The following CNTNAP1 variants were observed in gnomAD, a reference collection of about 807,000 sequenced individuals.
The protein encoded by CNTNAP1 is contactin-associated protein 1.
A neutral mutation model predicts 161.5 loss-of-function variants in CNTNAP1; 80 were observed. That is an observed-to-expected ratio of 0.50 (90% CI 0.41 to 0.60). The LOEUF is 0.60. CNTNAP1 is among the 20% of genes least tolerant of loss of function. The pLI, the probability that CNTNAP1 is intolerant of heterozygous loss-of-function variation, is 0.00. For missense variants in CNTNAP1, 1,464 were observed against 1,854.8 expected (o/e 0.79, Z 3.87); for synonymous variants, 695 against 733.1 (o/e 0.95, Z 0.84).
At chr17:42,683,143 G>T (rs868161450) in intron 1 of CNTNAP1, 14 of 597,528 alleles carry the variant, frequency 2.3e-5, no homozygotes, top group African/African-American at 1.7e-4. Context: ...TTGGGGTTGG[G>T]ATCCAAGCAG....
intron 1 of CNTNAP1, 95 bp from the exon 2 acceptor site, chr17:42,683,726 G>GC: frequency 8.2e-6 from 12 of 1,460,354 alleles, no homozygotes; most frequent in Non-Finnish European, 1.0e-5. Flanking sequence ...GGGGTTGGGG[G>GC]CACGGAAGGG....
rs779499837 is a variant in CNTNAP1, at chr17:42,683,931, C to T, written c.169+9C>T. The T allele has an allele frequency of 1.2e-6, 2 of 1,613,820 alleles. No homozygotes were observed. The highest frequency in any genetic ancestry group is 1.1e-5 in the South Asian group (1 of 91,060). Reference sequence around the variant, plus strand: ...ATTCGCCAGGCTGCACGGTGAGCTCCGCGGAACATCAGCTGCCAACTGGCA... The same window carrying T: ...ATTCGCCAGGCTGCACGGTGAGCTCTGCGGAACATCAGCTGCCAACTGGCA... On this transcript the variant is annotated intron_variant, in intron 2 of 23. Coordinates refer to ENST00000264638, the MANE Select transcript of CNTNAP1 (RefSeq NM_003632.3).
chr17:42,689,968 T>G, intron 11 of CNTNAP1, 120 bp from the exon 12 acceptor site: 1 of 1,139,202 alleles, frequency 8.8e-7, no homozygotes, highest in Non-Finnish European at 1.3e-6. Context: ...CTCGAACTCC[T>G]GACCTCGGGT....
chr17:42,682,688 G>A lies in CNTNAP1; in HGVS notation c.-142G>A. The A allele has an allele frequency of 1.3e-6, 1 of 760,984 alleles. No individual in the cohort carries two copies. Among genetic ancestry groups the A allele is most frequent in the Non-Finnish European group, 2.2e-6 (1 of 454,002 alleles). The allele number at this position is 760,984 out of a possible 1,614,324, so 47.1% of individuals were successfully genotyped here. A position where few individuals can be genotyped will look rare whatever the true frequency, so the allele number is the denominator to read the frequency against. ...AGAGACAGAGCGCTTGGGGGCGAAAGGAGAGAGGGAGGGAAGGGTGGGTAA... is the reference window on the plus strand; with the variant it reads ...AGAGACAGAGCGCTTGGGGGCGAAAAGAGAGAGGGAGGGAAGGGTGGGTAA... On this transcript the variant is annotated 5_prime_UTR_variant, in exon 1 of 24. Coordinates refer to ENST00000264638, the MANE Select transcript of CNTNAP1 (RefSeq NM_003632.3).
intron 23 of CNTNAP1, 91 bp from the exon 24 acceptor site, chr17:42,698,525 CAA>C (rs2053181120): frequency 6.3e-6 from 7 of 1,106,590 alleles, no homozygotes; most frequent in East Asian, 2.4e-5. Flanking sequence ...GGTGAAATCT[CAA>C]AGAGTGCGTG....
At chr17:42,693,166 A>C in intron 17 of CNTNAP1, 131 bp from the exon 18 acceptor site, 1 of 1,089,676 alleles carries the variant, frequency 9.2e-7, no homozygotes, top group Middle Eastern at 2.9e-4. Flanking sequence ...TCATCATGTT[A>C]GCCAGGATGG....
At chr17:42,692,110 G>A (rs915559004) in intron 16 of CNTNAP1, 119 bp downstream of exon 16, 33 of 1,074,600 alleles carry the variant, frequency 3.1e-5, no homozygotes, top group Non-Finnish European at 4.1e-6. Flanking sequence ...CATGGGAAGG[G>A]TTGAGATACC....
In CNTNAP1 at chr17:42,691,354, G is replaced by A. The variant is rs767923889; in HGVS notation, c.2217-30G>A. The A allele has an allele frequency of 3.4e-5, 55 of 1,613,924 alleles. 1 individual carries two copies. Among genetic ancestry groups the A allele is most frequent in the Non-Finnish European group, 4.5e-5 (53 of 1,179,984 alleles). The stretch of plus-strand genomic sequence containing the variant: ...GGGAGTGGGAGGAGCTGAGTGGCTG[G>A]GGCTGAGCCATGACATCCTGCCCCC... On this transcript the variant is annotated intron_variant, in intron 14 of 23. Transcript: ENST00000264638. The surrounding 1 kb of genome is among the most constrained non-coding windows in gnomAD (Gnocchi z 4.3).
chr17:42,688,056 T>TGA, intron 8 of CNTNAP1, 75 bp downstream of exon 8: 1 of 1,536,754 alleles, frequency 6.5e-7, no homozygotes, highest in Non-Finnish European at 8.8e-7. Flanking sequence ...AGGCCTGGAC[T>TGA]GAGGCCTTTA....
In CNTNAP1 at chr17:42,682,565, A is replaced by C; in HGVS notation, c.-265A>C. 2.1e-6 allele frequency: 1 copy of C among 481,982 alleles called. No homozygotes were observed. The highest frequency in any genetic ancestry group is 3.7e-6 in the Non-Finnish European group (1 of 269,518). 29.9% of individuals were successfully genotyped at this position (481,982 alleles called of 1,614,324 possible). The stretch of plus-strand genomic sequence containing the variant: ...GCGTGCCAGGAGACAGAGGCTGGGG[A>C]AGGGGGGAGGTGAGAGGAAAGAGGG... On this transcript the variant is annotated 5_prime_UTR_variant, in exon 1 of 24. Transcript: ENST00000264638.
rs2053088042 is a variant in CNTNAP1, at chr17:42,691,682, G to A, written c.2345-124G>A. ...GGCTCCTCTTTCATTCCACTCCTTA[G>A]TCTCCCCTCCGTCACCTCAAACCCT... is the stretch of plus-strand genomic sequence containing the variant. On this transcript the variant is annotated intron_variant, in intron 15 of 23. Coordinates refer to ENST00000264638, the MANE Select transcript of CNTNAP1 (RefSeq NM_003632.3). The surrounding 1 kb of genome is among the most constrained non-coding windows in gnomAD (Gnocchi z 4.3). 7.4e-7 allele frequency: 1 copy of A among 1,344,526 alleles called. No homozygotes were observed. The highest frequency in any genetic ancestry group is 1.4e-5 in the African/African-American group (1 of 69,080). The allele number at this position is 1,344,526 out of a possible 1,614,324, so 83.3% of individuals were successfully genotyped here.
rs2053144469 is a variant in CNTNAP1, at chr17:42,695,778, G to T, written c.3250G>T (p.Val1084Phe). 5 of 1,614,172 alleles carry T rather than the reference G, an allele frequency of 3.1e-6. 1 individual carries two copies. Among genetic ancestry groups the T allele is most frequent in the East Asian group, 4.5e-5 (2 of 44,884 alleles). ...TGTCTACAACGTTACGGGAGAGGAG[G>T]TCTCCTTCAGCTTCAGCACCAGCTC... The part of the protein sequence containing the change: ...GPVYNVTGEE[V>F]SFSFSTSSAP... The change falls in exon 19 of 24, where the codon GTC becomes TTC. Residue 1084 changes from valine to phenylalanine, a missense_variant. Physicochemically the swap from Val to Phe is conservative, Grantham distance 50. Around this residue, in one of 3 missense-constraint regions of CNTNAP1, gnomAD observed 1,383 missense variants for 1,765.0 expected, o/e 0.78. Coordinates refer to ENST00000264638, the MANE Select transcript of CNTNAP1 (RefSeq NM_003632.3).
Position 42,696,172 on chromosome 17 carries a change from A to G in CNTNAP1, c.3474+20A>G. The G allele has an allele frequency of 3.1e-6, 5 of 1,614,050 alleles. No homozygotes were observed. Among genetic ancestry groups the G allele is most frequent in the Non-Finnish European group, 4.2e-6 (5 of 1,179,950 alleles). On this transcript the variant is annotated intron_variant, in intron 20 of 23. Coordinates refer to ENST00000264638, the MANE Select transcript of CNTNAP1 (RefSeq NM_003632.3). ...ATCCAGGTATGCATAGAGGGAGGTG[A>G]GCCAGTTCAGATCATAACCTCATGG...
In CNTNAP1 at chr17:42,699,701, A is replaced by G. The variant is rs1291787062; in HGVS notation, c.*791A>G. ...AGAGATGCTGCTTCATTTACCCAGG[A>G]GGTCATATTCTTTATATATATTTTT... is the stretch of plus-strand genomic sequence containing the variant. On this transcript the variant is annotated 3_prime_UTR_variant, in exon 24 of 24. Coordinates refer to ENST00000264638, the MANE Select transcript of CNTNAP1 (RefSeq NM_003632.3). 1 of 152,784 alleles carries G rather than the reference A, an allele frequency of 6.5e-6. No individual in the cohort carries two copies. Among genetic ancestry groups the G allele is most frequent in the Non-Finnish European group, 1.5e-5 (1 of 68,050 alleles). The allele number at this position is 152,784 out of a possible 1,614,324, so 9.5% of individuals were successfully genotyped here.
rs144176225 is a variant in CNTNAP1 at position 42,697,626 on chromosome 17, G to A, written c.3641G>A (p.Arg1214Gln). The A allele has an allele frequency of 8.1e-6, 13 of 1,614,076 alleles. No homozygotes were observed. The African/African-American group carries it at 1.3e-4, about 17-fold the overall frequency. The stretch of plus-strand genomic sequence containing the variant: ...TTCTCAGGCTGCCTGTCTGGTGTTC[G>A]ATTCAACAACGTGGCTCCCCTCAAG... ...PGFSGCLSGV[R>Q]FNNVAPLKTH... Residue 1214 changes from arginine to glutamine, a missense_variant, in exon 22 of 24, where the codon CGA becomes CAA. By Grantham distance (43) the Arg-to-Gln change is conservative. Around this residue, in one of 3 missense-constraint regions of CNTNAP1, gnomAD observed 1,383 missense variants for 1,765.0 expected, o/e 0.78. Coordinates refer to ENST00000264638, the MANE Select transcript of CNTNAP1 (RefSeq NM_003632.3).
rs772432810 is a variant in CNTNAP1 at position 42,698,860 on chromosome 17, C to T, written c.4105C>T (p.Pro1369Ser). 1.3e-6 allele frequency: 2 copies of T among 1,587,934 alleles called. No individual in the cohort carries two copies. Among genetic ancestry groups the T allele is most frequent in the Admixed American group, 1.7e-5 (1 of 59,268 alleles). Residue 1369 changes from proline to serine, a missense_variant, in exon 24 of 24, where the codon CCC becomes TCC. Pro to Ser is a moderately conservative substitution (Grantham distance 74, BLOSUM62 -1). Coordinates refer to ENST00000264638, the MANE Select transcript of CNTNAP1 (RefSeq NM_003632.3). The part of the protein sequence containing the change: ...PAPTPAPAPG[P>S]RDQNLPQILE... ...CCCAACTCCAGCCCCAGCCCCTGGC[C>T]CCCGGGATCAGAACCTACCCCAGAT...
Position 42,685,339 on chromosome 17 carries a change from C to T in CNTNAP1, c.634C>T (p.Leu212=), listed in dbSNP as rs775909719. ...SFKTEEKDGL[L]LHAEGAQGDY... Reference sequence around the variant, plus strand: ...CAAGACCGAGGAGAAGGACGGTCTTCTGCTGCACGCCGAGGGCGCCCAGGG... The same window carrying T: ...CAAGACCGAGGAGAAGGACGGTCTTTTGCTGCACGCCGAGGGCGCCCAGGG... The change falls in exon 5 of 24, where the codon CTG becomes TTG. Residue 212 remains leucine (L), a synonymous_variant. Coordinates refer to ENST00000264638, the MANE Select transcript of CNTNAP1 (RefSeq NM_003632.3). This position sits in a 1 kb window ranked among gnomAD's most constrained non-coding sequence, Gnocchi z 5.0. The T allele has an allele frequency of 1.2e-6, 2 of 1,611,024 alleles. No individual in the cohort carries two copies. Among genetic ancestry groups the T allele is most frequent in the Non-Finnish European group, 8.5e-7 (1 of 1,180,000 alleles).
chr17:42,685,026 G>C lies in CNTNAP1; in HGVS notation c.399G>C (p.Val133=). Residue 133 remains valine, a synonymous_variant, in exon 4 of 24, where the codon GTG becomes GTC. Transcript: ENST00000264638. The surrounding 1 kb of genome is among the most constrained non-coding windows in gnomAD (Gnocchi z 5.0). ...GTAACGTGAACGAGTCGGCGGTGGT[G>C]CGCCATGACCTGCACTTCCACTTCA... ...FFGNVNESAV[V]RHDLHFHFTA... The C allele has an allele frequency of 6.3e-7, 1 of 1,599,756 alleles. No individual in the cohort carries two copies.
chr17:42,689,599 G>A lies in CNTNAP1; in HGVS notation c.1707G>A (p.Thr569=), dbSNP rs138190887. ...ACTTCATTTGCTACTGCGAACTGAC[G>A]GGCTACAAGGGAGAGACCTGCCACA... ...WDDFICYCEL[T]GYKGETCHTP... The change falls in exon 11 of 24, where the codon ACG becomes ACA. Residue 569 remains threonine (T), a synonymous_variant. Coordinates refer to ENST00000264638, the MANE Select transcript of CNTNAP1 (RefSeq NM_003632.3). 16 of 1,613,822 alleles carry A rather than the reference G, an allele frequency of 9.9e-6. No homozygotes were observed. The African/African-American group carries it at 1.6e-4, about 16-fold the overall frequency.
Sources: allele counts gnomAD v4.1 joint callset, GRCh38; gene constraint gnomAD v4.1.1; regional missense constraint gnomAD v4.1.1; non-coding constraint Gnocchi (gnomAD v3.1); transcripts MANE v1.5; gene names NCBI Gene and HGNC (gene_info 2026-07-23, HGNC 2026-07-21).